Variants in KDM4B observed in about 807,000 individuals in gnomAD.
The protein encoded by KDM4B is lysine-specific demethylase 4B.
In KDM4B, 32 loss-of-function variants were observed where a neutral mutation model predicts 125.2. That is an observed-to-expected ratio of 0.26 (90% CI 0.19 to 0.34). KDM4B has a LOEUF of 0.34. Among genes scored for constraint, KDM4B ranks in the 10% least tolerant of loss-of-function variants. The pLI is 1.00. For missense variants in KDM4B, 1,190 were observed against 1,577.7 expected, an observed-to-expected ratio of 0.75 and a Z score of 4.16; for synonymous variants, 721 against 677.9, an observed-to-expected ratio of 1.06 and a Z score of -0.99.
At chr19:5,025,194 C>T (rs1353845746) in intron 2 of KDM4B, among the ~76,000 whole-genome samples, 1 of 152,146 alleles carries the variant, frequency 6.6e-6, no homozygotes, top group Non-Finnish European at 1.5e-5. Context: ...AAAGAAGAAA[C>T]CTAGGGGTGG....
intron 7 of KDM4B, among the ~76,000 whole-genome samples, chr19:5,073,791 T>G (rs1296780737): frequency 1.3e-5 from 2 of 152,080 alleles, no homozygotes; most frequent in Non-Finnish European, 2.9e-5. Context: ...AAGAATTAGT[T>G]CTTGGTGGTG....
At position 5,108,596 on chromosome 19, in the gene KDM4B, C is replaced by G. The variant is rs563583186; in HGVS notation, c.919-2026C>G. On this transcript the variant is annotated intron_variant, in intron 9 of 22. Transcript: ENST00000159111. ...GTGTCTCCAAGCAAAGTGTGGGCCA[C>G]CTGGAAAGGTTTGTCAGGGCAAGGG... Among the ~76,000 whole-genome samples, 13 of 152,306 alleles carry G rather than the reference C, an allele frequency of 8.5e-5. No homozygotes were observed. The South Asian group carries it at 2.7e-3, about 32-fold the overall frequency.
In KDM4B at chr19:5,114,064, C is replaced by T; in HGVS notation, c.1115+3246C>T. On this transcript the variant is annotated intron_variant, in intron 10 of 22. Coordinates refer to ENST00000159111, the MANE Select transcript of KDM4B (RefSeq NM_015015.3). The surrounding 1 kb of genome is among the most constrained non-coding windows in gnomAD (Gnocchi z 5.8). ...GGTCGCCTAAAACTGCAGCCTGGCT[C>T]CTGGCGGGTGCCCTCAGCCTCCCCA... 7.8e-7 allele frequency: 1 copy of T among 1,288,904 alleles called. No homozygotes were observed. Among genetic ancestry groups the T allele is most frequent in the South Asian group, 1.2e-5 (1 of 80,958 alleles). The allele number at this position is 1,288,904 out of a possible 1,614,324, so 79.8% of individuals were successfully genotyped here.
At chr19:5,063,638 T>C (rs36115836) in intron 6 of KDM4B, among the ~76,000 whole-genome samples, 48,853 of 152,184 alleles carry the variant, frequency 0.32, 9,439 homozygotes, top group East Asian at 0.9. Flanking sequence ...TCTGTGGCAC[T>C]GAGCCCAGCA....
At chr19:5,029,998 G>A (rs544711835) in intron 2 of KDM4B, among the ~76,000 whole-genome samples, 54 of 152,350 alleles carry the variant, frequency 3.5e-4, no homozygotes, top group African/African-American at 1.3e-3. Context: ...ACCTGCCATG[G>A]GCTTTTGTCA....
At position 4,989,077 on chromosome 19, in the gene KDM4B, C is replaced by T. The variant is rs535068779; in HGVS notation, c.-109+19847C>T. 3.3e-5 allele frequency among the ~76,000 whole-genome samples: 5 copies of T among 152,346 alleles called. No individual in the cohort carries two copies. In the South Asian group the frequency reaches 8.3e-4, roughly 25 times the overall value. On this transcript the variant is annotated intron_variant, in intron 1 of 22. Transcript: ENST00000159111. ...TCTCACTGGGCCGGTCCCTTGCCTC[C>T]GCTTCCTTGTCTGTGATGAGAGGAC...
At chr19:5,133,811 G>C (rs1042217158) in intron 13 of KDM4B, 72 bp from the exon 14 acceptor site, 1 of 1,528,982 alleles carries the variant, frequency 6.5e-7, no homozygotes, top group Non-Finnish European at 9.0e-7. Flanking sequence ...CCCCTGGGCA[G>C]TTGGGGTGAT....
At chr19:5,113,565 T>G (rs1372569642) in intron 10 of KDM4B, among the ~76,000 whole-genome samples, 1 of 152,160 alleles carries the variant, frequency 6.6e-6, no homozygotes, top group East Asian at 1.9e-4. Context: ...TGGCTCAGGC[T>G]GGATCGGGAG....
chr19:4,998,347 T>G (rs1438221026), intron 1 of KDM4B, among the ~76,000 whole-genome samples: 1 of 152,232 alleles, frequency 6.6e-6, no homozygotes, highest in African/African-American at 2.4e-5. Flanking sequence ...TGTTTTTGTT[T>G]TAATAAAATT....
intron 1 of KDM4B, among the ~76,000 whole-genome samples, chr19:5,004,152 G>A (rs186564138): frequency 8.5e-5 from 13 of 152,292 alleles, no homozygotes; most frequent in Admixed American, 5.2e-4. Flanking sequence ...CTGGAGGGCG[G>A]GTGTGCTGGC....
chr19:5,143,909 T>A (rs1181978766), intron 18 of KDM4B, 58 bp from the exon 19 acceptor site: 1 of 1,388,574 alleles, frequency 7.2e-7, no homozygotes, highest in African/African-American at 1.4e-5. Flanking sequence ...GGGGACTCCG[T>A]TCCAGGGTCC....
intron 16 of KDM4B, 55 bp downstream of exon 16, chr19:5,137,393 C>T (rs977298182): frequency 5.4e-6 from 8 of 1,490,780 alleles, no homozygotes; most frequent in Non-Finnish European, 7.3e-6. Context: ...GCCCCGGCCC[C>T]ACTCCAGTGG....
intron 10 of KDM4B, chr19:5,111,345 C>A: frequency 1.3e-6 from 1 of 755,214 alleles, no homozygotes; most frequent in Non-Finnish European, 2.4e-6. Flanking sequence ...GGCCCCGGGG[C>A]GTGACCCTGG....
At chr19:5,086,754 C>T (rs1453550431) in intron 9 of KDM4B, among the ~76,000 whole-genome samples, 5 of 152,340 alleles carry the variant, frequency 3.3e-5, no homozygotes, top group African/African-American at 9.6e-5. Flanking sequence ...TCTGGAGTTC[C>T]GGATGGGCCT....
chr19:5,061,647 C>G (rs1408726797), intron 6 of KDM4B, among the ~76,000 whole-genome samples: 1 of 152,036 alleles, frequency 6.6e-6, no homozygotes, highest in Non-Finnish European at 1.5e-5. Flanking sequence ...ATTGCTTGAG[C>G]CAGCCACTGG....
At chr19:5,062,510 C>T (rs2037634928) in intron 6 of KDM4B, among the ~76,000 whole-genome samples, 1 of 152,252 alleles carries the variant, frequency 6.6e-6, no homozygotes, top group Non-Finnish European at 1.5e-5. Context: ...GTGAGTACAG[C>T]AGGCAAGTGC....
intron 1 of KDM4B, among the ~76,000 whole-genome samples, chr19:4,983,837 C>T (rs1381926498): frequency 6.6e-6 from 1 of 152,192 alleles, no homozygotes; most frequent in Non-Finnish European, 1.5e-5. Flanking sequence ...AGGATGGACA[C>T]CCGGAGACCT....
At chr19:4,984,335 T>A (rs770650977) in intron 1 of KDM4B, among the ~76,000 whole-genome samples, 5 of 152,202 alleles carry the variant, frequency 3.3e-5, no homozygotes, top group Non-Finnish European at 7.3e-5. Flanking sequence ...CAAGACAGCT[T>A]AGGGTTTATG....
chr19:4,983,570 G>A (rs2034723232), intron 1 of KDM4B, among the ~76,000 whole-genome samples: 1 of 152,196 alleles, frequency 6.6e-6, no homozygotes, highest in Non-Finnish European at 1.5e-5. Context: ...GGGTCCTGGC[G>A]GCCCAGCCTG....
Sources: allele counts gnomAD v4.1 joint callset (sites outside exome capture counted in the v4.1 genomes callset), GRCh38; gene constraint gnomAD v4.1.1; non-coding constraint Gnocchi (gnomAD v3.1); transcripts MANE v1.5; gene names NCBI Gene and HGNC (gene_info 2026-07-23, HGNC 2026-07-21).